SP140: variants seen among roughly 807,000 people sequenced by gnomAD.
The protein encoded by SP140 is nuclear body protein SP140.
SP140 carries 81 observed loss-of-function variants against 125.0 expected under a neutral mutation model. That is an observed-to-expected ratio of 0.65 (90% CI 0.54 to 0.78). SP140 has a LOEUF of 0.78. Among genes scored for constraint, SP140 ranks in the 30% least tolerant of loss-of-function variants. The pLI, the probability that SP140 is intolerant of heterozygous loss-of-function variation, is 0.00. For missense variants in SP140, 858 were observed against 1,037.0 expected (o/e 0.83, Z 2.37); for synonymous variants, 312 against 354.0 (o/e 0.88, Z 1.33).
Position 230,258,556 on chromosome 2 carries a change from T to C in SP140, c.1240+3024T>C, listed in dbSNP as rs186470634. On this transcript the variant is annotated intron_variant, in intron 12 of 26. Transcript: ENST00000392045. ...ATTATTTTCACATCACTCTAATATA[T>C]TGACTTTGGAAACAAAAGACATTCT... 5.6e-3 allele frequency among the ~76,000 whole-genome samples: 847 copies of C among 152,340 alleles called. 11 individuals are homozygous for C. The highest frequency in any genetic ancestry group is 0.02 in the African/African-American group (812 of 41,574).
chr2:230,196,934 G>A, the SP140 span, among the ~76,000 whole-genome samples: 6 of 152,258 alleles, frequency 3.9e-5, no homozygotes, highest in African/African-American at 1.4e-4. Context: ...TCTTAATCCA[G>A]TCTATCGTTG....
chr2:230,269,793 C>G (rs756562559), intron 13 of SP140, 44 bp from the exon 14 acceptor site: 2 of 1,477,392 alleles, frequency 1.4e-6, no homozygotes, highest in South Asian at 2.3e-5. Context: ...AATAGAGTCA[C>G]TGGGTCAAAC....
At chr2:230,250,866 C>T (rs1168383051) in intron 9 of SP140, 115 bp from the exon 10 acceptor site, 21 of 1,122,560 alleles carry the variant, frequency 1.9e-5, no homozygotes, top group Non-Finnish European at 2.3e-5. Context: ...AACCCACCTA[C>T]AGGCCAGGAG....
intron 10 of SP140, among the ~76,000 whole-genome samples, chr2:230,252,152 C>T (rs2050469207): frequency 6.6e-6 from 1 of 151,302 alleles, no homozygotes; most frequent in Non-Finnish European, 1.5e-5. Context: ...AAATATAATC[C>T]ATGATACGAG....
chr2:230,312,532 G>T, intron 26 of SP140, 54 bp from the exon 27 acceptor site: 1 of 1,183,306 alleles, frequency 8.5e-7, no homozygotes, highest in Non-Finnish European at 1.2e-6. Flanking sequence ...GTTGAAAGGT[G>T]TCTCATGACG....
At position 230,253,506 on chromosome 2, in the gene SP140, C is replaced by T. The variant is rs987745461; in HGVS notation, c.1159+89C>T. On this transcript the variant is annotated intron_variant, in intron 11 of 26. Coordinates refer to ENST00000392045, the MANE Select transcript of SP140 (RefSeq NM_007237.5). Reference sequence around the variant, plus strand: ...AAAGCTTCCCTTTCTCCCATCCTACCCTTCTCTTCTTCACATTCGCATACA... The same window carrying T: ...AAAGCTTCCCTTTCTCCCATCCTACTCTTCTCTTCTTCACATTCGCATACA... 6 of 941,988 alleles carry T rather than the reference C, an allele frequency of 6.4e-6. No homozygotes were observed. The South Asian group carries it at 8.1e-5, about 13-fold the overall frequency. 58.4% of individuals were successfully genotyped at this position (941,988 alleles called of 1,614,324 possible).
rs140410412 is a variant in SP140, at chr2:230,293,104, C to T, written c.1968+316C>T. ...GACAGTCAAGCAGTGGAAGAAGACACTTCAGAGAAAGAATGGCATAAAAGC... is the reference window on the plus strand; with the variant it reads ...GACAGTCAAGCAGTGGAAGAAGACATTTCAGAGAAAGAATGGCATAAAAGC... On this transcript the variant is annotated intron_variant, in intron 20 of 26. Coordinates refer to ENST00000392045, the MANE Select transcript of SP140 (RefSeq NM_007237.5). 2.6e-3 allele frequency among the ~76,000 whole-genome samples: 390 copies of T among 152,260 alleles called. 2 individuals are homozygous for T. The highest frequency in any genetic ancestry group is 4.2e-3 in the Non-Finnish European group (289 of 68,032).
chr2:230,246,210 C>T (rs2049428048), intron 7 of SP140, among the ~76,000 whole-genome samples: 1 of 152,136 alleles, frequency 6.6e-6, no homozygotes, highest in Non-Finnish European at 1.5e-5. Context: ...CCTTAAGAGG[C>T]ACAAGTAGCA....
chr2:230,247,559 T>G (rs1405712693), intron 7 of SP140, among the ~76,000 whole-genome samples: 3 of 152,222 alleles, frequency 2.0e-5, no homozygotes, highest in Non-Finnish European at 2.9e-5. Flanking sequence ...TCTGATCTTG[T>G]ACCTCTCACA....
At chr2:230,289,421 C>G (rs947189486) in intron 18 of SP140, among the ~76,000 whole-genome samples, 2 of 152,108 alleles carry the variant, frequency 1.3e-5, no homozygotes, top group Admixed American at 1.3e-4. Flanking sequence ...GTAGGCCAAC[C>G]ATCTTTCTTA....
chr2:230,256,823 T>G (rs896867309), intron 12 of SP140, among the ~76,000 whole-genome samples: 69 of 152,224 alleles, frequency 4.5e-4, no homozygotes, highest in African/African-American at 1.7e-3. Flanking sequence ...TTAGATCAAC[T>G]ATTTGTGAGA....
At chr2:230,231,802 G>T (rs1431657124) in intron 1 of SP140, among the ~76,000 whole-genome samples, 1 of 152,024 alleles carries the variant, frequency 6.6e-6, no homozygotes, top group African/African-American at 2.4e-5. Flanking sequence ...TGCCTCCTAG[G>T]TTCAAGTGAT....
At chr2:230,215,205 G>C (rs946247049) in intron 3 of SP140, 4 of 1,042,478 alleles carry the variant, frequency 3.8e-6, no homozygotes, top group Non-Finnish European at 4.4e-6. Flanking sequence ...TTTTAAGAAA[G>C]CTACCTTACT....
chr2:230,231,461 A>T (rs1299921494), intron 1 of SP140, among the ~76,000 whole-genome samples: 1 of 152,194 alleles, frequency 6.6e-6, no homozygotes. Context: ...AGAGGTGTCA[A>T]ATTCCTCTAG....
the SP140 span, among the ~76,000 whole-genome samples, chr2:230,192,043 A>C: frequency 1.3e-5 from 2 of 152,272 alleles, no homozygotes; most frequent in African/African-American, 4.8e-5. Context: ...CCACATGATT[A>C]TCTTGATAGA....
intron 18 of SP140, among the ~76,000 whole-genome samples, chr2:230,289,053 A>G (rs1316134571): frequency 1.3e-5 from 2 of 152,226 alleles, no homozygotes; most frequent in Non-Finnish European, 2.9e-5. Flanking sequence ...ACTGTCTTCC[A>G]TAACGGTTGA....
rs773126186 is a variant in SP140, at chr2:230,292,676, A to T, written c.1856A>T (p.Asp619Val). 1 of 1,614,150 alleles carries T rather than the reference A, an allele frequency of 6.2e-7. No homozygotes were observed. Among genetic ancestry groups the T allele is most frequent in the South Asian group, 1.1e-5 (1 of 91,078 alleles). Residue 619 changes from aspartate to valine, a missense_variant, in exon 20 of 27, where the codon GAT becomes GTT. Physicochemically the swap from Asp to Val is radical, Grantham distance 152. Around this residue, in one of 4 missense-constraint regions of SP140, gnomAD observed 791 missense variants for 869.5 expected, o/e 0.91. Coordinates refer to ENST00000392045, the MANE Select transcript of SP140 (RefSeq NM_007237.5). ...GILVKCIQTE[D>V]GKWFTPTEFE... ...TTGGTGAAGTGTATACAGACTGAGG[A>T]TGGAAAATGGTTCACCCCCACGGAA...
intron 3 of SP140, among the ~76,000 whole-genome samples, chr2:230,240,917 G>A (rs574425094): frequency 9.9e-5 from 15 of 152,234 alleles, no homozygotes; most frequent in African/African-American, 2.9e-4. Flanking sequence ...GCTCATCAAC[G>A]GAGGGTAGAT....
Position 230,312,706 on chromosome 2 carries a change from G to A in SP140, c.*22G>A. On this transcript the variant is annotated 3_prime_UTR_variant, in exon 27 of 27. Coordinates refer to ENST00000392045, the MANE Select transcript of SP140 (RefSeq NM_007237.5). Reference sequence around the variant, plus strand: ...TTGACTGGATTAGTGGATGCTGAAAGCATTCAGCAAATGGCACCCTAAAAT... The same window carrying A: ...TTGACTGGATTAGTGGATGCTGAAAACATTCAGCAAATGGCACCCTAAAAT... The A allele has an allele frequency of 6.4e-7, 1 of 1,561,788 alleles. No homozygotes were observed. Among genetic ancestry groups the A allele is most frequent in the Non-Finnish European group, 8.8e-7 (1 of 1,134,200 alleles).
Sources: allele counts gnomAD v4.1 joint callset (sites outside exome capture counted in the v4.1 genomes callset), GRCh38; gene constraint gnomAD v4.1.1; regional missense constraint gnomAD v4.1.1; transcripts MANE v1.5; gene names NCBI Gene and HGNC (gene_info 2026-07-23, HGNC 2026-07-21).